LIMD1: variants seen among roughly 807,000 people sequenced by gnomAD.
The protein encoded by LIMD1 is LIM domain containing 1, also known as LIM domain-containing protein 1.
LIMD1 carries 23 observed loss-of-function variants against 58.4 expected under a neutral mutation model. That is an observed-to-expected ratio of 0.39 (90% CI 0.28 to 0.56). The LOEUF (loss-of-function observed/expected upper bound fraction) is 0.56. Among genes scored for constraint, LIMD1 ranks in the 20% least tolerant of loss-of-function variants. The pLI, the probability that LIMD1 is intolerant of heterozygous loss-of-function variation, is 0.57. For missense variants in LIMD1, 838 were observed against 855.5 expected (o/e 0.98, Z 0.25); for synonymous variants, 334 against 345.5 (o/e 0.97, Z 0.37).
chr3:45,604,486 G>A (rs1701448454), intron 1 of LIMD1, among the ~76,000 whole-genome samples: 1 of 152,320 alleles, frequency 6.6e-6, no homozygotes, highest in South Asian at 2.1e-4. Flanking sequence ...AGGTCACACT[G>A]TGTTCTCAGC....
intron 1 of LIMD1, among the ~76,000 whole-genome samples, chr3:45,608,330 G>A (rs1379984725): frequency 3.9e-5 from 6 of 152,198 alleles, no homozygotes; most frequent in Admixed American, 3.9e-4. Context: ...TTGGCTCTGA[G>A]GGTGACAGTG....
rs565076769 is a variant in LIMD1 at position 45,655,010 on chromosome 3, C to T, written c.1511-10640C>T. Among the ~76,000 whole-genome samples, 32 of 151,256 alleles carry T rather than the reference C, an allele frequency of 2.1e-4. 1 individual carries two copies. Among genetic ancestry groups the T allele is most frequent in the Non-Finnish European group, 1.5e-5 (1 of 67,906 alleles). On this transcript the variant is annotated intron_variant, in intron 2 of 7. Coordinates refer to ENST00000273317, the MANE Select transcript of LIMD1 (RefSeq NM_014240.3). ...TCTCAGCTCACTGCAACCTCTGCCA[C>T]CCGGGTTCAAGTGATTCTCCTGCCT... is the stretch of plus-strand genomic sequence containing the variant.
chr3:45,649,114 C>G (rs1701936565), intron 2 of LIMD1, among the ~76,000 whole-genome samples: 1 of 152,090 alleles, frequency 6.6e-6, no homozygotes, highest in African/African-American at 2.4e-5. Flanking sequence ...AAAACATTGG[C>G]TGACCCAAGG....
At chr3:45,598,071 G>GCATCTT (rs1701374961) in intron 1 of LIMD1, among the ~76,000 whole-genome samples, 1 of 151,976 alleles carries the variant, frequency 6.6e-6, no homozygotes, top group African/African-American at 2.4e-5. Context: ...CGGACTCAAG[G>GCATCTT]CATCTTCCTA....
rs756360801 is a variant in LIMD1, at chr3:45,674,408, C to T, written c.1890C>T (p.Cys630=). 20 of 1,612,512 alleles carry T rather than the reference C, an allele frequency of 1.2e-5. No homozygotes were observed. The highest frequency in any genetic ancestry group is 8.9e-5 in the East Asian group (4 of 44,836). ...ACTACCACGTGGAGTGTTACCACTG[C>T]GAGGTAGACCCCTCCCCACCCAGCC... ...DRDYHVECYH[C]EDCGLELNDE... Residue 630 remains cysteine (C), a synonymous_variant, in exon 7 of 8, where the codon TGC becomes TGT. Coordinates refer to ENST00000273317, the MANE Select transcript of LIMD1 (RefSeq NM_014240.3).
intron 1 of LIMD1, among the ~76,000 whole-genome samples, chr3:45,622,230 C>G (rs1701634559): frequency 6.6e-6 from 1 of 152,136 alleles, no homozygotes; most frequent in Non-Finnish European, 1.5e-5. Flanking sequence ...CCTGGGTAAA[C>G]AGGAATCTAC....
chr3:45,601,393 CTG>C (rs1324558163), intron 1 of LIMD1, among the ~76,000 whole-genome samples: 1 of 152,232 alleles, frequency 6.6e-6, no homozygotes, highest in Non-Finnish European at 1.5e-5. Context: ...CGAGGCAGCT[CTG>C]TGCAGCTGGG....
At chr3:45,670,604 A>G (rs185135395) in intron 4 of LIMD1, among the ~76,000 whole-genome samples, 318 of 152,336 alleles carry the variant, frequency 2.1e-3, no homozygotes, top group African/African-American at 7.0e-3. Context: ...CCTTACAGCA[A>G]GAGATAGGAA....
At chr3:45,607,386 G>T (rs577672460) in intron 1 of LIMD1, among the ~76,000 whole-genome samples, 12 of 152,062 alleles carry the variant, frequency 7.9e-5, no homozygotes, top group South Asian at 6.2e-4. Flanking sequence ...AGTTTTGAGA[G>T]CCATGAGTTT....
At chr3:45,636,028 C>T in intron 1 of LIMD1, 122 bp from the exon 2 acceptor site, 5 of 1,546,168 alleles carry the variant, frequency 3.2e-6, no homozygotes, top group Non-Finnish European at 4.3e-6. Context: ...GAGTCATCCA[C>T]TGGATTTGGT....
At chr3:45,649,785 T>A (rs1190154614) in intron 2 of LIMD1, among the ~76,000 whole-genome samples, 1 of 145,282 alleles carries the variant, frequency 6.9e-6, no homozygotes, top group Non-Finnish European at 1.5e-5. Flanking sequence ...ATATATAAAA[T>A]ATATATATTG....
intron 1 of LIMD1, among the ~76,000 whole-genome samples, chr3:45,597,028 A>ATTT (rs35567590): frequency 6.8e-6 from 1 of 147,858 alleles, no homozygotes; most frequent in African/African-American, 2.5e-5. Flanking sequence ...CACCTGGCTA[A>ATTT]TTTTTTTTTT....
chr3:45,613,517 T>C (rs1036414286), intron 1 of LIMD1, among the ~76,000 whole-genome samples: 4 of 152,172 alleles, frequency 2.6e-5, no homozygotes, highest in Admixed American at 2.0e-4. Flanking sequence ...TTTGTTTTAC[T>C]GCTGAGTAAT....
intron 2 of LIMD1, among the ~76,000 whole-genome samples, chr3:45,664,178 G>A (rs1233441125): frequency 1.3e-5 from 2 of 151,888 alleles, no homozygotes; most frequent in Non-Finnish European, 2.9e-5. Flanking sequence ...GCCAATTTTT[G>A]TACCTTTTGT....
intron 2 of LIMD1, among the ~76,000 whole-genome samples, chr3:45,642,691 T>C (rs116079903): frequency 0.03 from 4,612 of 152,332 alleles, 76 homozygotes; most frequent in Non-Finnish European, 0.041. Flanking sequence ...ATGGATGAGT[T>C]GTGCCACAGT....
chr3:45,651,685 T>C (rs925971914), intron 2 of LIMD1, among the ~76,000 whole-genome samples: 1 of 151,434 alleles, frequency 6.6e-6, no homozygotes, highest in African/African-American at 2.4e-5. Flanking sequence ...CAGGCTGGAG[T>C]GTAGTGGCAT....
chr3:45,603,359 G>A (rs1701434757), intron 1 of LIMD1, among the ~76,000 whole-genome samples: 1 of 152,050 alleles, frequency 6.6e-6, no homozygotes, highest in African/African-American at 2.4e-5. Flanking sequence ...TCCCATATCA[G>A]GCATTTCATT....
At position 45,596,297 on chromosome 3, in the gene LIMD1, A is replaced by T. The variant is rs764872883; in HGVS notation, c.1408+10A>T. ...AAGGCTGATTACTTTGGTGAGTGAG[A>T]GGCTGGTGGAGTTGCCTATGGTGGG... On this transcript the variant is annotated intron_variant, in intron 1 of 7. Transcript: ENST00000273317. 2 of 1,577,134 alleles carry T rather than the reference A, an allele frequency of 1.3e-6. No individual in the cohort carries two copies. The highest frequency in any genetic ancestry group is 2.3e-5 in the South Asian group (2 of 86,374).
chr3:45,641,503 A>G (rs1266032112), intron 2 of LIMD1, among the ~76,000 whole-genome samples: 1 of 148,480 alleles, frequency 6.7e-6, no homozygotes, highest in Non-Finnish European at 1.5e-5. Context: ...ATATAATTAT[A>G]TATATTTTAT....
Sources: gnomAD v4.1 joint callset for allele counts (sites outside exome capture counted in the v4.1 genomes callset) on GRCh38, gnomAD v4.1.1 for gene constraint, MANE v1.5 for transcripts, NCBI Gene and HGNC (gene_info 2026-07-23, HGNC 2026-07-21) for gene names.